The following CYP11B2 variants were observed in gnomAD, a reference collection of about 807,000 sequenced individuals.
The protein encoded by CYP11B2 is cytochrome P450 family 11 subfamily B member 2, also known as cytochrome P450 11B2, mitochondrial.
In CYP11B2, 38 loss-of-function variants were observed where a neutral mutation model predicts 49.3. The observed-to-expected ratio is 0.77, with a 90% CI of 0.59 to 1.01. CYP11B2 has a LOEUF of 1.01. Ranked by LOEUF, CYP11B2 falls within the 50% of genes least tolerant of loss-of-function variation. The pLI is 0.00. For synonymous variants in CYP11B2, 290 were observed against 269.3 expected (o/e 1.08, Z -0.75); for missense variants, 669 against 655.5 (o/e 1.02, Z -0.23).
chr8:142,911,837 C>T lies in CYP11B2; in HGVS notation c.*143G>A, dbSNP rs1321740830. Reference sequence around the variant, plus strand: ...CCTGGCAAGCCCCAGTCCTGGAGGCCCTGGGGAGTTCCATTTGTGCAGGAG... The same window carrying T: ...CCTGGCAAGCCCCAGTCCTGGAGGCTCTGGGGAGTTCCATTTGTGCAGGAG... On this transcript the variant is annotated 3_prime_UTR_variant, in exon 9 of 9. Coordinates refer to ENST00000323110, the MANE Select transcript of CYP11B2 (RefSeq NM_000498.3). 2.7e-5 allele frequency: 35 copies of T among 1,282,750 alleles called. No individual in the cohort carries two copies. Among genetic ancestry groups the T allele is most frequent in the Non-Finnish European group, 3.8e-5 (35 of 921,372 alleles). 79.5% of individuals were successfully genotyped at this position (1,282,750 alleles called of 1,614,324 possible).
At position 142,912,170 on chromosome 8, in the gene CYP11B2, G is replaced by A. The variant is rs567282440; in HGVS notation, c.1399-77C>T. 102 of 1,603,850 alleles carry A rather than the reference G, an allele frequency of 6.4e-5. No homozygotes were observed. In the South Asian group the frequency reaches 1.0e-3, roughly 16 times the overall value. On this transcript the variant is annotated intron_variant, in intron 8 of 8. Transcript: ENST00000323110. ...GGGGCAGCTTCCTCCCATCGTCCCA[G>A]GTGCAACAATTATGCTGAAGGGGGA...
intron 2 of CYP11B2, 103 bp downstream of exon 2, chr8:142,916,956 G>A (rs1817656975): frequency 6.5e-7 from 1 of 1,530,842 alleles, no homozygotes. Context: ...CCACCACAGG[G>A]GCCCAGGGCA....
chr8:142,915,231 C>T lies in CYP11B2; in HGVS notation c.410G>A (p.Trp137Ter). 1 of 1,612,662 alleles carries T rather than the reference C, an allele frequency of 6.2e-7. No individual in the cohort carries two copies. Among genetic ancestry groups the T allele is most frequent in the East Asian group, 2.2e-5 (1 of 44,836 alleles). ...CGVFLLNGPE[W>*]RFNRLRLNPD... The stretch of plus-strand genomic sequence containing the variant: ...GTTCAGCCGCAATCGGTTGAAGCGC[C>T]ATTCAGGCCCATTCCTACAGAGGCC... The change falls in exon 3 of 9, where the codon TGG becomes TAG. Residue 137 changes from tryptophan to a stop codon, truncating the protein, a stop_gained. Transcript: ENST00000323110. LOFTEE classifies it high-confidence loss of function.
rs1166643223 is a variant in CYP11B2, at chr8:142,912,515, C to A, written c.1398+15G>T. On this transcript the variant is annotated intron_variant, in intron 8 of 8. Coordinates refer to ENST00000323110, the MANE Select transcript of CYP11B2 (RefSeq NM_000498.3). ...CTGCTGCCCAGGTCCCGCCCCCGCC[C>A]CCAGGCCTGCTTACGTGGTGCAGCA... 6.2e-7 allele frequency: 1 copy of A among 1,611,316 alleles called. No homozygotes were observed. The highest frequency in any genetic ancestry group is 1.1e-5 in the South Asian group (1 of 90,996).
At position 142,917,764 on chromosome 8, in the gene CYP11B2, G is replaced by A; in HGVS notation, c.77C>T (p.Thr26Ile). The A allele has an allele frequency of 3.7e-6, 6 of 1,614,218 alleles. No homozygotes were observed. The highest frequency in any genetic ancestry group is 5.1e-6 in the Non-Finnish European group (6 of 1,180,048). ...LSLQRARALG[T>I]RAARAPRTVL... ...CGTCCTAGGGGCCCGAGCGGCTCTA[G>A]TGCCCAGTGCCCGTGCCCTTTGCAG... The change falls in exon 1 of 9, where the codon ACT becomes ATT. Residue 26 changes from threonine (T) to isoleucine (I), a missense_variant. Coordinates refer to ENST00000323110, the MANE Select transcript of CYP11B2 (RefSeq NM_000498.3).
chr8:142,913,306 G>T lies in CYP11B2; in HGVS notation c.1100C>A (p.Ala367Glu), dbSNP rs149902981. ...CCACCGCAAGGTCTCCTTGAGGGCC[G>T]CCCGCAGCAAGGGCAGCTCGGTGGT... ...KATTELPLLR[A>E]ALKETLRLYP... is the part of the protein sequence containing the mutation. Residue 367 changes from alanine to glutamate, a missense_variant, in exon 6 of 9, where the codon GCG becomes GAG. By Grantham distance (107) the Ala-to-Glu change is moderately radical (BLOSUM62 -1). Transcript: ENST00000323110. 5 of 1,613,786 alleles carry T rather than the reference G, an allele frequency of 3.1e-6. No individual in the cohort carries two copies. In the South Asian group the frequency reaches 3.3e-5, roughly 11 times the overall value.
At position 142,917,117 on chromosome 8, in the gene CYP11B2, G is replaced by T; in HGVS notation, c.337C>A (p.Leu113Met). 2 of 1,614,236 alleles carry T rather than the reference G, an allele frequency of 1.2e-6. No individual in the cohort carries two copies. The highest frequency in any genetic ancestry group is 2.7e-5 in the African/African-American group (2 of 75,066). The change falls in exon 2 of 9, where the codon CTG (leucine) becomes ATG (methionine). Residue 113 changes from leucine (L) to methionine (M), a missense_variant. By Grantham distance (15) the Leu-to-Met change is conservative. Coordinates refer to ENST00000323110, the MANE Select transcript of CYP11B2 (RefSeq NM_000498.3). Reference sequence around the variant, plus strand: ...TGTCTGTAGGCCACCCAGGGCTCCAGGATCATCCTGCAGGGATGCAGGCTG... The same window carrying T: ...TGTCTGTAGGCCACCCAGGGCTCCATGATCATCCTGCAGGGATGCAGGCTG... ...VDSLHPCRMI[L>M]EPWVAYRQHR...
Position 142,911,937 on chromosome 8 carries a change from G to A in CYP11B2, c.*43C>T. 1 of 1,613,646 alleles carries A rather than the reference G, an allele frequency of 6.2e-7. No homozygotes were observed. Among genetic ancestry groups the A allele is most frequent in the Non-Finnish European group, 8.5e-7 (1 of 1,179,738 alleles). On this transcript the variant is annotated 3_prime_UTR_variant, in exon 9 of 9. Coordinates refer to ENST00000323110, the MANE Select transcript of CYP11B2 (RefSeq NM_000498.3). ...ACAGGTGGCCTGGGGTCAGGCAGAG[G>A]GAAGCTGGTGGCCAGGCTGGGACCC...
chr8:142,914,439 A>C (rs774741533), intron 4 of CYP11B2, 21 bp from the exon 5 acceptor site: 1 of 1,604,428 alleles, frequency 6.2e-7, no homozygotes, highest in Non-Finnish European at 8.5e-7. Context: ...AGCAGGGGAC[A>C]GCCCTCAGAT....
chr8:142,917,059 A>C lies in CYP11B2; in HGVS notation c.395T>G (p.Leu132Trp). 1.9e-6 allele frequency: 3 copies of C among 1,614,058 alleles called. No individual in the cohort carries two copies. Among genetic ancestry groups the C allele is most frequent in the Non-Finnish European group, 1.7e-6 (2 of 1,179,982 alleles). ...HRGHKCGVFL[L>W]NGPEWRFNRL... is the part of the protein sequence containing the mutation. The stretch of plus-strand genomic sequence containing the variant: ...TCTCAGCTCCCAACTCGCCGCTTAC[A>C]ACAAGAACACGCCACATTTGTGCCC... The change falls in exon 2 of 9, where the codon TTG becomes TGG. Residue 132 changes from leucine to tryptophan, a missense_variant and splice_region_variant. Coordinates refer to ENST00000323110, the MANE Select transcript of CYP11B2 (RefSeq NM_000498.3).
intron 6 of CYP11B2, 57 bp from the exon 7 acceptor site, chr8:142,912,942 C>T: frequency 2.6e-6 from 4 of 1,537,706 alleles, no homozygotes; most frequent in Non-Finnish European, 3.6e-6. Flanking sequence ...TTCCTGTGCT[C>T]TCTGCACCCT....
rs975698126 is a variant in CYP11B2 at position 142,912,884 on chromosome 8, G to T, written c.1123C>A (p.Leu375Ile). Residue 375 changes from leucine (L) to isoleucine (I), a missense_variant and splice_region_variant, in exon 7 of 9, where the codon CTC (leucine) becomes ATC (isoleucine). Transcript: ENST00000323110. ...LRAALKETLR[L>I]YPVGLFLERV... ...TCCAAAAACAGACCCACAGGGTAGA[G>T]CCTGGAGGTGGGGGCATCCATAGAA... 3 of 1,612,660 alleles carry T rather than the reference G, an allele frequency of 1.9e-6. No individual in the cohort carries two copies. In the African/African-American group the frequency reaches 4.0e-5, roughly 22 times the overall value.
chr8:142,912,327 C>A (rs545379714), intron 8 of CYP11B2, among the ~76,000 whole-genome samples: 7 of 152,074 alleles, frequency 4.6e-5, no homozygotes, highest in Non-Finnish European at 7.4e-5. Context: ...TCCCCTAGTC[C>A]CCATTTCAAT....
Position 142,917,156 on chromosome 8 carries a change from G to T in CYP11B2, c.298C>A (p.Leu100Met). ...CVMLPEDVEK[L>M]QQVDSLHPCR... ...GGATGCAGGCTGTCCACCTGTTGCA[G>T]CTTCTCCACATCCTCCGGCAGCATC... The change falls in exon 2 of 9, where the codon CTG becomes ATG. Residue 100 changes from leucine to methionine, a missense_variant. Coordinates refer to ENST00000323110, the MANE Select transcript of CYP11B2 (RefSeq NM_000498.3). The T allele has an allele frequency of 6.2e-7, 1 of 1,614,176 alleles. No individual in the cohort carries two copies. Among genetic ancestry groups the T allele is most frequent in the Non-Finnish European group, 8.5e-7 (1 of 1,180,042 alleles).
chr8:142,917,682 C>T lies in CYP11B2; in HGVS notation c.159G>A (p.Leu53=), dbSNP rs768928152. The T allele has an allele frequency of 1.3e-5, 21 of 1,614,270 alleles. No individual in the cohort carries two copies. Among genetic ancestry groups the T allele is most frequent in the Non-Finnish European group, 1.7e-5 (20 of 1,180,056 alleles). Residue 53 remains leucine, a synonymous_variant, in exon 1 of 9, where the codon CTG becomes CTA. Coordinates refer to ENST00000323110, the MANE Select transcript of CYP11B2 (RefSeq NM_000498.3). ...QHPGNRWLRL[L]QIWREQGYEH... is the part of the protein sequence containing the mutation. ...CATAACCCTGCTCCCTCCAGATCTG[C>T]AGCAGCCTCAGCCACCTGTTGCCTG...
rs1289154593 is a variant in CYP11B2 at position 142,914,438 on chromosome 8, C to A, written c.800-20G>T. 5 of 1,604,462 alleles carry A rather than the reference C, an allele frequency of 3.1e-6. No homozygotes were observed. Among genetic ancestry groups the A allele is most frequent in the Non-Finnish European group, 3.4e-6 (4 of 1,174,550 alleles). On this transcript the variant is annotated intron_variant, in intron 4 of 8. Transcript: ENST00000323110. Reference sequence around the variant, plus strand: ...TGTCACCTGTCCAGGGAGCAGGGGACAGCCCTCAGATCTTGGTGCTGGGAA... The same window carrying A: ...TGTCACCTGTCCAGGGAGCAGGGGAAAGCCCTCAGATCTTGGTGCTGGGAA...
chr8:142,913,505 G>C (rs538325327), intron 5 of CYP11B2, 54 bp from the exon 6 acceptor site: 40 of 1,610,004 alleles, frequency 2.5e-5, no homozygotes, highest in Non-Finnish European at 3.3e-5. Context: ...CTCAGCCCCC[G>C]GGACACCCCT....
In CYP11B2 at chr8:142,916,952, CAG is replaced by C. The variant is rs941913668; in HGVS notation, c.395+105_395+106del. 3.3e-6 allele frequency: 5 copies of C among 1,528,232 alleles called. No homozygotes were observed. The African/African-American group carries it at 5.5e-5, about 17-fold the overall frequency. The allele number at this position is 1,528,232 out of a possible 1,614,324, so 94.7% of individuals were successfully genotyped here. On this transcript the variant is annotated intron_variant, in intron 2 of 8. Transcript: ENST00000323110. ...GGGTGCTCACCCTCACTGCCCACCA[CAG>C]GGGCCCAGGGCAGATGTGCTTTTGG... is the stretch of plus-strand genomic sequence containing the variant.
intron 5 of CYP11B2, among the ~76,000 whole-genome samples, chr8:142,913,690 C>A (rs978285582): frequency 6.6e-6 from 1 of 152,124 alleles, no homozygotes; most frequent in East Asian, 1.9e-4. Context: ...CTCTTCAGGG[C>A]GGGTTCTCAC....
Sources: allele counts gnomAD v4.1 joint callset (sites outside exome capture counted in the v4.1 genomes callset), GRCh38; gene constraint gnomAD v4.1.1; transcripts MANE v1.5; gene names NCBI Gene and HGNC (gene_info 2026-07-23, HGNC 2026-07-21).